The following ELF2 variants were observed in gnomAD, a reference collection of about 807,000 sequenced individuals.
The protein encoded by ELF2 is E74 like ETS transcription factor 2.
Under a neutral mutation model 54.8 loss-of-function variants are expected in ELF2, and 11 were observed. The ratio of observed to expected loss-of-function variants is 0.20; its 90% CI spans 0.13 to 0.33. The LOEUF is 0.33. ELF2 is among the 10% of genes least tolerant of loss of function. The pLI, the probability that ELF2 is intolerant of heterozygous loss-of-function variation, is 1.00. For missense variants in ELF2, 513 were observed against 703.0 expected (o/e 0.73, Z 3.06); for synonymous variants, 203 against 245.1 (o/e 0.83, Z 1.61).
In ELF2 at chr4:139,108,604, A is replaced by T. The variant is rs367931768; in HGVS notation, c.238+16560T>A. Among the ~76,000 whole-genome samples, 951 of 143,502 alleles carry T rather than the reference A, an allele frequency of 6.6e-3. 11 individuals are homozygous for T. The highest frequency in any genetic ancestry group is 0.023 in the African/African-American group (915 of 39,390). 94.1% of individuals were successfully genotyped at this position (143,502 alleles called of 152,430 possible). On this transcript the variant is annotated intron_variant, in intron 4 of 9. Transcript: ENST00000686138. ...TTACCCTAAAATCCATTCATATTCT[A>T]AAAAAAAAAAAAATTCTGTGCTTTC...
chr4:139,106,028 C>T (rs1560817034), intron 4 of ELF2, among the ~76,000 whole-genome samples: 1 of 152,136 alleles, frequency 6.6e-6, no homozygotes, highest in Non-Finnish European at 1.5e-5. Context: ...TTTTAACAAG[C>T]CCTTCTGATA....
At chr4:139,087,611 G>A (rs951139445) in intron 4 of ELF2, among the ~76,000 whole-genome samples, 2 of 152,032 alleles carry the variant, frequency 1.3e-5, no homozygotes, top group African/African-American at 4.8e-5. Context: ...GACTACAGGC[G>A]CCCGCCTCCA....
chr4:139,116,572 T>C (rs1371776872), intron 4 of ELF2: 1 of 719,828 alleles, frequency 1.4e-6, no homozygotes, highest in Non-Finnish European at 1.7e-6. Context: ...TAAACAAAAA[T>C]ATGGTAAAGG....
At chr4:139,108,322 T>C (rs940924549) in intron 4 of ELF2, among the ~76,000 whole-genome samples, 1 of 152,190 alleles carries the variant, frequency 6.6e-6, no homozygotes, top group African/African-American at 2.4e-5. Flanking sequence ...GTAAGTGGCT[T>C]CCTCAAGGTT....
At chr4:139,170,259 C>CTT (rs70940499) in intron 1 of ELF2, among the ~76,000 whole-genome samples, 407 of 89,292 alleles carry the variant, frequency 4.6e-3, no homozygotes, top group East Asian at 8.0e-3. Context: ...TCTTAATCGC[C>CTT]TTTTTTTTTT....
intron 4 of ELF2, chr4:139,084,359 A>C: frequency 6.7e-7 from 1 of 1,490,506 alleles, no homozygotes; most frequent in South Asian, 1.3e-5. Flanking sequence ...TCCGACAGGA[A>C]GCCGAGGCCG....
chr4:139,161,573 G>A (rs1460209662), intron 1 of ELF2, among the ~76,000 whole-genome samples: 4 of 149,462 alleles, frequency 2.7e-5, no homozygotes, highest in African/African-American at 9.9e-5. Context: ...TATGAAAAGG[G>A]CGAACAGGAA....
At chr4:139,074,759 C>CAAA (rs397957583) in intron 4 of ELF2, among the ~76,000 whole-genome samples, 2 of 92,706 alleles carry the variant, frequency 2.2e-5, no homozygotes, top group South Asian at 3.3e-4. Context: ...GACACTGTCT[C>CAAA]AAAAAAAAAA....
At position 139,071,884 on chromosome 4, in the gene ELF2, G is replaced by A. The variant is rs1379378827; in HGVS notation, c.508C>T (p.Pro170Ser). The change falls in exon 6 of 10, where the codon CCA becomes TCA. Residue 170 changes from proline to serine, a missense_variant. This residue lies in a region of ELF2 where 203 missense variants were observed against 245.9 expected (regional missense o/e 0.83). Transcript: ENST00000686138. ...PIPTSPDSHE[P>S]MKKKKVGRKP... is the part of the protein sequence containing the mutation. Reference sequence around the variant, plus strand: ...ACTCTACCTTTTTTCTTTTTCATTGGTTCATGGCTATCTGGTGATGTTGGA... The same window carrying A: ...ACTCTACCTTTTTTCTTTTTCATTGATTCATGGCTATCTGGTGATGTTGGA... 4 of 1,596,878 alleles carry A rather than the reference G, an allele frequency of 2.5e-6. No individual in the cohort carries two copies. The highest frequency in any genetic ancestry group is 1.4e-5 in the African/African-American group (1 of 73,452).
chr4:139,105,610 C>CA (rs910027199), intron 4 of ELF2, among the ~76,000 whole-genome samples: 2 of 152,192 alleles, frequency 1.3e-5, no homozygotes, highest in African/African-American at 4.8e-5. Flanking sequence ...CCTGGCCAGG[C>CA]ACTGTGGCTC....
intron 4 of ELF2, among the ~76,000 whole-genome samples, chr4:139,101,265 A>C (rs1357268767): frequency 6.6e-6 from 1 of 152,110 alleles, no homozygotes; most frequent in East Asian, 1.9e-4. Flanking sequence ...AGGAGGGGCC[A>C]TATCTAATTT....
At chr4:139,169,789 G>A (rs1742089372) in intron 1 of ELF2, among the ~76,000 whole-genome samples, 2 of 150,930 alleles carry the variant, frequency 1.3e-5, no homozygotes, top group South Asian at 4.2e-4. Flanking sequence ...CCCGGGAGGC[G>A]GAGCTTGCCA....
intron 3 of ELF2, chr4:139,136,644 G>T (rs1418225586): frequency 6.7e-6 from 1 of 149,890 alleles, no homozygotes; most frequent in Non-Finnish European, 1.5e-5. Flanking sequence ...ATTATAATTA[G>T]ATCCCTTCCA....
chr4:139,079,079 G>A (rs1730723157), intron 4 of ELF2, among the ~76,000 whole-genome samples: 1 of 151,830 alleles, frequency 6.6e-6, no homozygotes, highest in South Asian at 2.1e-4. Flanking sequence ...GCACGCATCA[G>A]CACACCCAGC....
chr4:139,159,518 T>C (rs957580013), intron 1 of ELF2, among the ~76,000 whole-genome samples: 5 of 152,216 alleles, frequency 3.3e-5, no homozygotes, highest in Non-Finnish European at 7.3e-5. Flanking sequence ...AAAACTGCCC[T>C]GAGGGATAGA....
chr4:139,145,458 T>G (rs1578917847), intron 1 of ELF2, among the ~76,000 whole-genome samples: 1 of 152,306 alleles, frequency 6.6e-6, no homozygotes, highest in East Asian at 1.9e-4. Context: ...CTCACAGTAG[T>G]CTGGCTCTCA....
intron 1 of ELF2, among the ~76,000 whole-genome samples, chr4:139,175,701 TCAAACACACGATTA>T (rs1368680743): frequency 5.3e-5 from 8 of 152,324 alleles, no homozygotes; most frequent in African/African-American, 1.7e-4. Flanking sequence ...AATCTGATTA[TCAAACACACGATTA>T]CTATTCTCTC....
chr4:139,159,286 G>A lies in ELF2; in HGVS notation c.-252+17681C>T, dbSNP rs147267553. 3.5e-3 allele frequency among the ~76,000 whole-genome samples: 528 copies of A among 152,326 alleles called. 3 individuals are homozygous for A. Among genetic ancestry groups the A allele is most frequent in the South Asian group, 0.028 (136 of 4,826 alleles). On this transcript the variant is annotated intron_variant, in intron 1 of 9. Transcript: ENST00000686138. The stretch of plus-strand genomic sequence containing the variant: ...TGGAACACTGAACAATGATTTCCTT[G>A]AGGATAGATTTCCACGACAGAAAGG...
At chr4:139,164,172 G>A (rs1741480867) in intron 1 of ELF2, among the ~76,000 whole-genome samples, 2 of 144,388 alleles carry the variant, frequency 1.4e-5, no homozygotes, top group Admixed American at 7.1e-5. Flanking sequence ...GGAAAAGAAA[G>A]AAAGAAAGAG....
Sources: gnomAD v4.1 joint callset for allele counts (sites outside exome capture counted in the v4.1 genomes callset) on GRCh38, gnomAD v4.1.1 for gene constraint, gnomAD v4.1.1 regional missense constraint, MANE v1.5 for transcripts, NCBI Gene and HGNC (gene_info 2026-07-23, HGNC 2026-07-21) for gene names.